ZNF98: variants seen among roughly 807,000 people sequenced by gnomAD.
ZNF98 encodes zinc finger protein 739.
Under a neutral mutation model 12.8 loss-of-function variants are expected in ZNF98, and 8 were observed. That is an observed-to-expected ratio of 0.63 (90% confidence interval 0.37 to 1.13). The LOEUF is 1.13. Ranked by LOEUF, ZNF98 falls within the 50% of genes most tolerant of loss-of-function variation. The pLI, the probability that ZNF98 is intolerant of heterozygous loss-of-function variation, is 0.01. For synonymous variants in ZNF98, 112 were observed against 223.5 expected (o/e 0.50, Z 4.45); for missense variants, 379 against 666.1 (o/e 0.57, Z 4.74).
chr19:22,413,869 C>CAAAAAA (rs57148885), intron 1 of ZNF98, among the ~76,000 whole-genome samples: 1 of 43,168 alleles, frequency 2.3e-5, no homozygotes, highest in African/African-American at 8.1e-5. Context: ...AACTCCGTCT[C>CAAAAAA]AAAAAAAAAA....
At chr19:22,405,226 G>C (rs1428648243) in intron 1 of ZNF98, among the ~76,000 whole-genome samples, 1 of 143,142 alleles carries the variant, frequency 7.0e-6, no homozygotes, top group East Asian at 2.1e-4. Context: ...TGGCATTCTA[G>C]GACACAGAGT....
chr19:22,398,932 T>A (rs1969427310), intron 3 of ZNF98, among the ~76,000 whole-genome samples: 1 of 152,114 alleles, frequency 6.6e-6, no homozygotes, highest in Non-Finnish European at 1.5e-5. Context: ...ATAACCAAAA[T>A]TGGGGTCATA....
chr19:22,391,598 T>C lies in ZNF98; in HGVS notation c.1637A>G (p.Tyr546Cys), dbSNP rs1421558244. 14 of 1,609,148 alleles carry C rather than the reference T, an allele frequency of 8.7e-6. No individual in the cohort carries two copies. The highest frequency in any genetic ancestry group is 5.3e-5 in the African/African-American group (4 of 74,788). Residue 546 changes from tyrosine (Y) to cysteine (C), a missense_variant, in exon 4 of 4, where the codon TAC becomes TGC. Coordinates refer to ENST00000357774, the MANE Select transcript of ZNF98 (RefSeq NM_001098626.2). ...HKMIHTGEKL[Y>C]KPESCNNACD... is the part of the protein sequence containing the mutation. ...AGCATTGTTACAACTTTCAGGTTTG[T>C]AGAGTTTCTCTCCAGTATGAATCAT...
rs762631510 is a variant in ZNF98 at position 22,422,236 on chromosome 19, A to T, written c.-12T>A. 1 of 1,611,938 alleles carries T rather than the reference A, an allele frequency of 6.2e-7. No individual in the cohort carries two copies. The highest frequency in any genetic ancestry group is 1.1e-5 in the South Asian group (1 of 91,060). The stretch of plus-strand genomic sequence containing the variant: ...AGGGGTCCTGGCATCTTAGCTGTGG[A>T]TTCCCAATACCTGCAGGTCACAGGG... On this transcript the variant is annotated 5_prime_UTR_variant, in exon 1 of 4. Transcript: ENST00000357774.
At chr19:22,399,058 T>C (rs1386692307) in intron 3 of ZNF98, among the ~76,000 whole-genome samples, 2 of 152,134 alleles carry the variant, frequency 1.3e-5, no homozygotes, top group African/African-American at 4.8e-5. Context: ...TTGTCTAAAA[T>C]TGTAAAACCA....
At chr19:22,405,715 G>A (rs1291954274) in intron 1 of ZNF98, among the ~76,000 whole-genome samples, 1 of 152,184 alleles carries the variant, frequency 6.6e-6, no homozygotes, top group Non-Finnish European at 1.5e-5. Flanking sequence ...CAGGGGAGGG[G>A]TGACCAGCAC....
At chr19:22,403,644 T>C in intron 1 of ZNF98, 132 bp from the exon 2 acceptor site, 3 of 918,940 alleles carry the variant, frequency 3.3e-6, no homozygotes, top group Non-Finnish European at 4.7e-6. Context: ...ATTTAATAAA[T>C]AACTTTCAGC....
intron 3 of ZNF98, among the ~76,000 whole-genome samples, chr19:22,402,175 CAAAAAAAAAAAA>C (rs869111485): frequency 1.7e-5 from 1 of 60,512 alleles, no homozygotes; most frequent in Non-Finnish European, 3.0e-5. Flanking sequence ...GACTCCATCT[CAAAAAAAAAAAA>C]AAAAAAAAGA....
Position 22,415,931 on chromosome 19 carries a change from TAA to T in ZNF98, c.30+6262_30+6263del, listed in dbSNP as rs35543907. ...AACATGGTGAAACCCCGTTCCTACT[TAA>T]AAAAAAAAAAAAAAAAACTACAGAC... On this transcript the variant is annotated intron_variant, in intron 1 of 3. Coordinates refer to ENST00000357774, the MANE Select transcript of ZNF98 (RefSeq NM_001098626.2). Among the ~76,000 whole-genome samples, 743 of 96,764 alleles carry T rather than the reference TAA, an allele frequency of 7.7e-3. 5 individuals carry two copies. Among genetic ancestry groups the T allele is most frequent in the African/African-American group, 0.011 (262 of 23,398 alleles). The allele number at this position is 96,764 out of a possible 152,430, so 63.5% of individuals were successfully genotyped here. A position where few individuals can be genotyped will look rare whatever the true frequency, so the allele number is the denominator to read the frequency against.
At chr19:22,407,650 T>C (rs1381558279) in intron 1 of ZNF98, among the ~76,000 whole-genome samples, 1 of 151,684 alleles carries the variant, frequency 6.6e-6, no homozygotes, top group Non-Finnish European at 1.5e-5. Context: ...AGGCGGAGGT[T>C]GCAGTGAGCC....
chr19:22,415,455 T>C (rs1969629298), intron 1 of ZNF98, among the ~76,000 whole-genome samples: 1 of 152,220 alleles, frequency 6.6e-6, no homozygotes, highest in Admixed American at 6.5e-5. Context: ...ACCTAACTGC[T>C]TCTCAACTGT....
At chr19:22,416,198 T>C (rs1189136940) in intron 1 of ZNF98, among the ~76,000 whole-genome samples, 1 of 149,120 alleles carries the variant, frequency 6.7e-6, no homozygotes, top group African/African-American at 2.5e-5. Context: ...GGGCCAGGCG[T>C]GGTGGCTCAC....
At position 22,398,738 on chromosome 19, in the gene ZNF98, G is replaced by GAAT. The variant is rs201894648; in HGVS notation, c.253+4050_253+4051insATT. 3.3e-3 allele frequency among the ~76,000 whole-genome samples: 508 copies of GAAT among 151,658 alleles called. 5 individuals carry two copies. The highest frequency in any genetic ancestry group is 0.012 in the African/African-American group (493 of 41,344). Reference sequence around the variant, plus strand: ...ATTGTTTTTTAGAAGAATAACTGAAGATCCAGAATTATAAACCTTTCCAAA... The same window carrying GAAT: ...ATTGTTTTTTAGAAGAATAACTGAAGAATATCCAGAATTATAAACCTTTCCAAA... On this transcript the variant is annotated intron_variant, in intron 3 of 3. Coordinates refer to ENST00000357774, the MANE Select transcript of ZNF98 (RefSeq NM_001098626.2).
intron 3 of ZNF98, 74 bp downstream of exon 3, chr19:22,402,715 A>C (rs35315232): frequency 0.33 from 314,421 of 963,812 alleles, 53,194 homozygotes; most frequent in Admixed American, 0.38. Context: ...ATTTTAAGGA[A>C]TGGCTTTTTT....
intron 3 of ZNF98, among the ~76,000 whole-genome samples, chr19:22,395,695 T>C (rs1043738115): frequency 9.2e-5 from 14 of 151,928 alleles, no homozygotes; most frequent in Admixed American, 2.6e-4. Context: ...CACACAGATA[T>C]TTAAACAAAT....
At chr19:22,416,734 AAG>A (rs1279854584) in intron 1 of ZNF98, among the ~76,000 whole-genome samples, 1 of 152,158 alleles carries the variant, frequency 6.6e-6, no homozygotes, top group Non-Finnish European at 1.5e-5. Flanking sequence ...CCTGGGAGAC[AAG>A]AGAGAAGCTC....
rs745911858 is a variant in ZNF98 at position 22,403,363 on chromosome 19, T to A, written c.157+23A>T. 6 of 1,553,506 alleles carry A rather than the reference T, an allele frequency of 3.9e-6. No individual in the cohort carries two copies. The East Asian group carries it at 1.4e-4, about 35-fold the overall frequency. The stretch of plus-strand genomic sequence containing the variant: ...AAAATTTATAGGGTATATTAGGGAA[T>A]TGTATATTGAAGTTATCCTCACCCA... On this transcript the variant is annotated intron_variant, in intron 2 of 3. Coordinates refer to ENST00000357774, the MANE Select transcript of ZNF98 (RefSeq NM_001098626.2).
rs1051135164 is a variant in ZNF98 at position 22,422,328 on chromosome 19, T to G, written c.-104A>C. 10 of 1,414,700 alleles carry G rather than the reference T, an allele frequency of 7.1e-6. No individual in the cohort carries two copies. Among genetic ancestry groups the G allele is most frequent in the South Asian group, 1.1e-5 (1 of 87,302 alleles). 87.6% of individuals were successfully genotyped at this position (1,414,700 alleles called of 1,614,324 possible). On this transcript the variant is annotated 5_prime_UTR_variant, in exon 1 of 4. Transcript: ENST00000357774. ...CGAAGACGAGACCAGGAACTCCGGCTGCAGCGAGAGACAAAGACCCCGCCA... is the reference window on the plus strand; with the variant it reads ...CGAAGACGAGACCAGGAACTCCGGCGGCAGCGAGAGACAAAGACCCCGCCA...
intron 1 of ZNF98, among the ~76,000 whole-genome samples, chr19:22,419,584 A>G (rs919186414): frequency 6.6e-6 from 1 of 152,206 alleles, no homozygotes; most frequent in Non-Finnish European, 1.5e-5. Flanking sequence ...ATTCAGCAAC[A>G]TTACTTAAAC....
Sources: gnomAD v4.1 joint callset for allele counts (sites outside exome capture counted in the v4.1 genomes callset) on GRCh38, gnomAD v4.1.1 for gene constraint, MANE v1.5 for transcripts, NCBI Gene and HGNC (gene_info 2026-07-23, HGNC 2026-07-21) for gene names.